Variants in RYR3 observed in about 807,000 individuals in gnomAD.
RYR3 encodes the protein brain ryanodine receptor-calcium release channel.
RYR3 carries 207 observed loss-of-function variants against 584.3 expected under a neutral mutation model. The observed-to-expected ratio is 0.35, with a 90% CI of 0.32 to 0.40. The LOEUF (loss-of-function observed/expected upper bound fraction) is 0.40. Ranked by LOEUF, RYR3 falls within the 10% of genes least tolerant of loss-of-function variation. RYR3 has a pLI of 1.00. For missense variants in RYR3, 5,616 were observed against 6,089.2 expected, an observed-to-expected ratio of 0.92 and a Z score of 2.59; for synonymous variants, 2,416 against 2,248.5, an observed-to-expected ratio of 1.07 and a Z score of -2.11.
At chr15:33,369,766 C>T (rs1177134353) in intron 1 of RYR3, among the ~76,000 whole-genome samples, 2 of 152,220 alleles carry the variant, frequency 1.3e-5, no homozygotes, top group Non-Finnish European at 2.9e-5. Flanking sequence ...GAAATATTTT[C>T]TGAGTGAATG....
chr15:33,837,530 T>C, intron 88 of RYR3, 101 bp from the exon 89 acceptor site: 1 of 1,306,704 alleles, frequency 7.7e-7, no homozygotes, highest in African/African-American at 1.5e-5. Context: ...AAGAGCTGAC[T>C]AATTTGGCAC....
intron 57 of RYR3, among the ~76,000 whole-genome samples, chr15:33,750,954 G>A (rs757002309): frequency 1.1e-4 from 17 of 152,186 alleles, no homozygotes; most frequent in East Asian, 3.9e-4. Context: ...TCCCACTTAC[G>A]AGTGAGAACA....
At chr15:33,635,418 C>T (rs530093562) in intron 25 of RYR3, among the ~76,000 whole-genome samples, 196 bp from the exon 26 acceptor site, 1 of 152,072 alleles carries the variant, frequency 6.6e-6, no homozygotes, top group South Asian at 2.1e-4. Context: ...TGAAGCAATC[C>T]CTCAGTCAGT....
chr15:33,382,465 A>G (rs2041268743), intron 1 of RYR3, among the ~76,000 whole-genome samples: 1 of 151,764 alleles, frequency 6.6e-6, no homozygotes, highest in Non-Finnish European at 1.5e-5. Flanking sequence ...CTGGGACTTC[A>G]GGTGCAAGCC....
chr15:33,396,773 T>C (rs915635703), intron 1 of RYR3, among the ~76,000 whole-genome samples: 1 of 152,152 alleles, frequency 6.6e-6, no homozygotes, highest in Non-Finnish European at 1.5e-5. Context: ...GTCAGTGAGA[T>C]AACAAGTGAC....
At chr15:33,771,326 G>A (rs2073553817) in intron 62 of RYR3, among the ~76,000 whole-genome samples, 1 of 152,190 alleles carries the variant, frequency 6.6e-6, no homozygotes. Flanking sequence ...ACCAGGTCAA[G>A]AATTGGAGAC....
At chr15:33,853,237 A>C in intron 95 of RYR3, 150 bp downstream of exon 95, 1 of 866,766 alleles carries the variant, frequency 1.2e-6, no homozygotes, top group Non-Finnish European at 1.7e-6. Context: ...GTTGGATATG[A>C]ACATATGTAG....
chr15:33,859,510 C>A, intron 99 of RYR3, 65 bp from the exon 100 acceptor site: 1 of 1,569,392 alleles, frequency 6.4e-7, no homozygotes, highest in Non-Finnish European at 8.8e-7. Flanking sequence ...TATGAATGAT[C>A]TGAGCATCTT....
chr15:33,327,247 T>G (rs1383027873), intron 1 of RYR3, among the ~76,000 whole-genome samples: 1 of 152,170 alleles, frequency 6.6e-6, no homozygotes, highest in Non-Finnish European at 1.5e-5. Context: ...ATTAAAGGTG[T>G]TACTGAGGAC....
intron 8 of RYR3, among the ~76,000 whole-genome samples, chr15:33,544,337 T>C (rs1479751523): frequency 6.6e-6 from 1 of 151,474 alleles, no homozygotes; most frequent in African/African-American, 2.4e-5. Flanking sequence ...TATAGAAATC[T>C]GATATTTAAA....
chr15:33,365,837 T>TTA (rs1173136935), intron 1 of RYR3, among the ~76,000 whole-genome samples: 1 of 152,168 alleles, frequency 6.6e-6, no homozygotes, highest in Admixed American at 6.6e-5. Context: ...ATTGCATTTA[T>TTA]TATATATATA....
At chr15:33,451,721 C>T (rs2141982922) in intron 1 of RYR3, among the ~76,000 whole-genome samples, 1 of 152,286 alleles carries the variant, frequency 6.6e-6, no homozygotes, top group East Asian at 1.9e-4. Context: ...AAGTGAGAGA[C>T]TAAAAAAGTT....
intron 85 of RYR3, among the ~76,000 whole-genome samples, chr15:33,830,566 T>C (rs1167985737): frequency 2.0e-5 from 3 of 152,242 alleles, no homozygotes; most frequent in Non-Finnish European, 4.4e-5. Context: ...AAACTCGGAT[T>C]ATCTCTGAAT....
intron 4 of RYR3, among the ~76,000 whole-genome samples, 171 bp from the exon 5 acceptor site, chr15:33,533,140 A>G (rs2055025408): frequency 6.6e-6 from 1 of 152,198 alleles, no homozygotes; most frequent in South Asian, 2.1e-4. Context: ...AATAATTAAA[A>G]ATGAAAGTAT....
At chr15:33,719,937 G>A (rs533691602) in intron 43 of RYR3, among the ~76,000 whole-genome samples, 3 of 152,104 alleles carry the variant, frequency 2.0e-5, no homozygotes, top group South Asian at 2.1e-4. Flanking sequence ...TACCCTTTTA[G>A]TATCTCCTGA....
intron 93 of RYR3, among the ~76,000 whole-genome samples, chr15:33,846,041 C>G (rs2078704544): frequency 6.6e-6 from 1 of 152,226 alleles, no homozygotes; most frequent in African/African-American, 2.4e-5. Flanking sequence ...CACAGGGGGA[C>G]AACTGGAAGG....
chr15:33,395,772 G>C (rs1031127093), intron 1 of RYR3, among the ~76,000 whole-genome samples: 7 of 152,176 alleles, frequency 4.6e-5, no homozygotes, highest in Admixed American at 3.3e-4. Flanking sequence ...ATTTATCTTA[G>C]GGACTGCTTG....
chr15:33,570,104 T>A (rs561811475), intron 12 of RYR3, among the ~76,000 whole-genome samples: 14 of 152,266 alleles, frequency 9.2e-5, no homozygotes, highest in Non-Finnish European at 2.9e-5. Flanking sequence ...GTTTAACATA[T>A]TTATGGATTC....
chr15:33,578,616 G>A (rs1176353315), intron 12 of RYR3, among the ~76,000 whole-genome samples: 1 of 152,016 alleles, frequency 6.6e-6, no homozygotes, highest in Non-Finnish European at 1.5e-5. Flanking sequence ...GAGGGGTGGG[G>A]GGTAGGAGGA....
Sources: allele counts gnomAD v4.1 joint callset (sites outside exome capture counted in the v4.1 genomes callset), GRCh38; gene constraint gnomAD v4.1.1; transcripts MANE v1.5; gene names NCBI Gene and HGNC (gene_info 2026-07-23, HGNC 2026-07-21).